GPC5: variants seen among roughly 807,000 people sequenced by gnomAD.
GPC5 encodes the protein glypican-5.
A neutral mutation model predicts 53.9 loss-of-function variants in GPC5; 47 were observed. That is an observed-to-expected ratio of 0.87 (90% CI 0.69 to 1.11). GPC5 has a LOEUF of 1.11. Ranked by LOEUF, GPC5 falls within the 50% of genes most tolerant of loss-of-function variation. The pLI is 0.00. For missense variants in GPC5, 748 were observed against 713.1 expected (o/e 1.05, Z -0.56); for synonymous variants, 286 against 263.3 (o/e 1.09, Z -0.84).
chr13:92,023,040 T>C (rs550531784), intron 6 of GPC5, among the ~76,000 whole-genome samples: 8 of 152,228 alleles, frequency 5.3e-5, no homozygotes, highest in African/African-American at 1.9e-4. Flanking sequence ...TGACTCTGTT[T>C]CACTTACTTT....
chr13:92,857,700 C>A (rs1483770209), intron 7 of GPC5, among the ~76,000 whole-genome samples: 1 of 151,884 alleles, frequency 6.6e-6, no homozygotes, highest in Non-Finnish European at 1.5e-5. Context: ...CAGAAGCAAC[C>A]AATAAACATA....
intron 6 of GPC5, among the ~76,000 whole-genome samples, chr13:91,965,220 T>C (rs2040169747): frequency 6.6e-6 from 1 of 152,042 alleles, no homozygotes; most frequent in Admixed American, 6.6e-5. Context: ...TACCCAGAAC[T>C]TAAAGTATAA....
chr13:92,412,212 G>T (rs1399583069), intron 7 of GPC5, among the ~76,000 whole-genome samples: 1 of 151,732 alleles, frequency 6.6e-6, no homozygotes, highest in Non-Finnish European at 1.5e-5. Flanking sequence ...TAAAAAGTTT[G>T]CAGGGGAAAA....
chr13:91,635,065 A>G (rs564615991), intron 2 of GPC5, among the ~76,000 whole-genome samples: 1 of 152,216 alleles, frequency 6.6e-6, no homozygotes, highest in East Asian at 1.9e-4. Flanking sequence ...TGAGAATTGA[A>G]TGGAAGATTA....
intron 2 of GPC5, among the ~76,000 whole-genome samples, chr13:91,500,855 T>C (rs1348867749): frequency 6.6e-6 from 1 of 152,194 alleles, no homozygotes; most frequent in Non-Finnish European, 1.5e-5. Context: ...AATTGGCTCA[T>C]AGGGGTGGTT....
At chr13:91,687,741 CA>C (rs2035653627) in intron 2 of GPC5, among the ~76,000 whole-genome samples, 1 of 151,972 alleles carries the variant, frequency 6.6e-6, no homozygotes, top group Non-Finnish European at 1.5e-5. Flanking sequence ...AACACACACA[CA>C]AAAAATTTTA....
At chr13:92,582,590 G>A (rs1238624254) in intron 7 of GPC5, among the ~76,000 whole-genome samples, 3 of 152,038 alleles carry the variant, frequency 2.0e-5, no homozygotes, top group Non-Finnish European at 2.9e-5. Flanking sequence ...TGTTTTGGGT[G>A]GCATAAGCTT....
chr13:92,777,335 CAAAAAA>C (rs71202561), intron 7 of GPC5, among the ~76,000 whole-genome samples: 1 of 63,466 alleles, frequency 1.6e-5, no homozygotes, highest in Non-Finnish European at 3.1e-5. Context: ...GACTCCATCT[CAAAAAA>C]AAAAAAAAAA....
At chr13:92,378,309 G>A (rs1035033525) in intron 7 of GPC5, among the ~76,000 whole-genome samples, 8 of 152,170 alleles carry the variant, frequency 5.3e-5, no homozygotes, top group African/African-American at 1.4e-4. Context: ...GAATGACAAT[G>A]AGACGATTGT....
intron 7 of GPC5, among the ~76,000 whole-genome samples, chr13:92,276,196 T>G (rs61085493): frequency 1.3e-5 from 2 of 152,026 alleles, no homozygotes; most frequent in Non-Finnish European, 2.9e-5. Context: ...GCATGTCAAA[T>G]TTTGTTCCTT....
At chr13:92,726,396 T>C (rs767699700) in intron 7 of GPC5, among the ~76,000 whole-genome samples, 2 of 151,540 alleles carry the variant, frequency 1.3e-5, no homozygotes, top group Non-Finnish European at 3.0e-5. Context: ...TGTTTATTGT[T>C]TGTTTGTTTG....
rs930899459 is a variant in GPC5, at chr13:91,736,949, G to GATT, written c.1154+8306_1154+8308dup. Among the ~76,000 whole-genome samples, 77 of 148,766 alleles carry GATT rather than the reference G, an allele frequency of 5.2e-4. 2 individuals carry two copies. Among genetic ancestry groups the GATT allele is most frequent in the African/African-American group, 1.6e-3 (63 of 39,326 alleles). On this transcript the variant is annotated intron_variant, in intron 4 of 7. Transcript: ENST00000377067. The stretch of plus-strand genomic sequence containing the variant: ...GATTGGTTAACATCAGGTTACTTCA[G>GATT]ATTATTATTATTATTATTATTATTT...
chr13:92,491,863 G>A (rs116233069), intron 7 of GPC5, among the ~76,000 whole-genome samples: 2 of 151,882 alleles, frequency 1.3e-5, no homozygotes, highest in Non-Finnish European at 2.9e-5. Context: ...CTTTTTATTT[G>A]CCCTCAGTTT....
chr13:92,165,557 A>G (rs1038241568), intron 7 of GPC5, among the ~76,000 whole-genome samples: 3 of 152,202 alleles, frequency 2.0e-5, no homozygotes, highest in African/African-American at 7.2e-5. Flanking sequence ...AGCCCCTCAC[A>G]AAATGATCAG....
intron 1 of GPC5, among the ~76,000 whole-genome samples, chr13:91,400,410 C>T (rs1876847677): frequency 6.6e-6 from 1 of 152,150 alleles, no homozygotes; most frequent in South Asian, 2.1e-4. Context: ...CTTTGTATAC[C>T]TGTTTGGTAC....
At chr13:92,528,698 A>C (rs1466684957) in intron 7 of GPC5, among the ~76,000 whole-genome samples, 1 of 152,072 alleles carries the variant, frequency 6.6e-6, no homozygotes, top group African/African-American at 2.4e-5. Context: ...TGAATTTTAA[A>C]TTTAATTTAA....
At chr13:92,600,479 A>AATTCATTC (rs372436108) in intron 7 of GPC5, among the ~76,000 whole-genome samples, 5 of 151,110 alleles carry the variant, frequency 3.3e-5, no homozygotes, top group African/African-American at 9.8e-5. Context: ...TTTTCTTTTC[A>AATTCATTC]ATTCATTCAT....
chr13:92,848,011 C>A (rs1003439402), intron 7 of GPC5, among the ~76,000 whole-genome samples: 5 of 152,086 alleles, frequency 3.3e-5, no homozygotes, highest in African/African-American at 7.2e-5. Flanking sequence ...GGCAGTGAGT[C>A]CCGAAGGCGA....
At chr13:91,949,107 C>T (rs1237786190) in intron 6 of GPC5, among the ~76,000 whole-genome samples, 1 of 152,152 alleles carries the variant, frequency 6.6e-6, no homozygotes, top group Non-Finnish European at 1.5e-5. Flanking sequence ...CTTCTAAATA[C>T]TGATGTTTTA....
Sources: gnomAD v4.1 joint callset for allele counts (sites outside exome capture counted in the v4.1 genomes callset) on GRCh38, gnomAD v4.1.1 for gene constraint, MANE v1.5 for transcripts, NCBI Gene and HGNC (gene_info 2026-07-23, HGNC 2026-07-21) for gene names.